The following ANKRD11 variants were observed in gnomAD, a reference collection of about 807,000 sequenced individuals.
ANKRD11 encodes the protein ankyrin repeat domain-containing protein 11.
ANKRD11 carries 17 observed loss-of-function variants against 195.7 expected under a neutral mutation model. That is an observed-to-expected ratio of 0.09 (90% CI 0.06 to 0.13). ANKRD11 has a LOEUF of 0.13. ANKRD11 is among the 10% of genes least tolerant of loss of function. The pLI is 1.00. For missense variants in ANKRD11, 3,735 were observed against 3,566.1 expected, an observed-to-expected ratio of 1.05 and a Z score of -1.21; for synonymous variants, 1,953 against 1,528.1, an observed-to-expected ratio of 1.28 and a Z score of -6.49.
chr16:89,329,950 A>T (rs776083427), intron 2 of ANKRD11, among the ~76,000 whole-genome samples: 23 of 151,824 alleles, frequency 1.5e-4, no homozygotes, highest in South Asian at 6.2e-4. Context: ...AGATCACACC[A>T]CTGCACTCCA....
At chr16:89,461,082 A>G (rs1171491237) in intron 1 of ANKRD11, among the ~76,000 whole-genome samples, 1 of 145,554 alleles carries the variant, frequency 6.9e-6, no homozygotes, top group African/African-American at 2.6e-5. Context: ...GGTGACATTC[A>G]TAAGAGAAGA....
intron 1 of ANKRD11, among the ~76,000 whole-genome samples, chr16:89,464,571 G>A (rs1286209294): frequency 7.0e-6 from 1 of 142,212 alleles, no homozygotes; most frequent in Admixed American, 7.5e-5. Context: ...TCGCAACACT[G>A]CACTCCAGCC....
chr16:89,280,982 C>T lies in ANKRD11; in HGVS notation c.5560G>A (p.Asp1854Asn), dbSNP rs765630805. The T allele has an allele frequency of 1.3e-6, 2 of 1,574,668 alleles. No individual in the cohort carries two copies. The highest frequency in any genetic ancestry group is 1.7e-6 in the Non-Finnish European group (2 of 1,157,994). ...ACLSPGYYSP[D>N]YGLPSPKVDA... Reference sequence around the variant, plus strand: ...ACTTTGGGCGACGGGAGGCCATAGTCTGGGGAGTAGTACCCTGGCGACAAG... The same window carrying T: ...ACTTTGGGCGACGGGAGGCCATAGTTTGGGGAGTAGTACCCTGGCGACAAG... Residue 1854 changes from aspartate (D) to asparagine (N), a missense_variant, in exon 9 of 13, where the codon GAC becomes AAC. Transcript: ENST00000301030.
intron 1 of ANKRD11, among the ~76,000 whole-genome samples, chr16:89,474,648 A>G (rs1242542357): frequency 6.6e-6 from 1 of 152,048 alleles, no homozygotes; most frequent in Non-Finnish European, 1.5e-5. Flanking sequence ...CATGATGCCA[A>G]CCCCACTGAG....
At chr16:89,269,216 T>G (rs1007408703) in intron 12 of ANKRD11, among the ~76,000 whole-genome samples, 3 of 152,010 alleles carry the variant, frequency 2.0e-5, no homozygotes, top group South Asian at 2.1e-4. Flanking sequence ...AGTGCAGTGG[T>G]GCAATCATGA....
intron 1 of ANKRD11, among the ~76,000 whole-genome samples, chr16:89,457,577 C>G (rs950228475): frequency 1.5e-5 from 2 of 130,482 alleles, no homozygotes; most frequent in Non-Finnish European, 3.3e-5. Context: ...CAGCAAGGCT[C>G]CGTCTCAAGA....
chr16:89,361,221 G>A lies in ANKRD11; in HGVS notation c.-59-44143C>T, dbSNP rs989102565. Among the ~76,000 whole-genome samples the A allele has an allele frequency of 9.2e-5, 14 of 152,328 alleles. 1 individual carries two copies. The highest frequency in any genetic ancestry group is 3.1e-4 in the African/African-American group (13 of 41,572). On this transcript the variant is annotated intron_variant, in intron 2 of 12. Transcript: ENST00000301030. ...GCGCACCCCTTAGGAAACCCCAGCA[G>A]CACATCCCCCTTCTTCCTCCCGCAG...
chr16:89,322,617 C>A (rs2037397731), intron 2 of ANKRD11, among the ~76,000 whole-genome samples: 3 of 152,002 alleles, frequency 2.0e-5, no homozygotes, highest in Admixed American at 6.5e-5. Context: ...AAGACAGGAA[C>A]ACACTCATGA....
chr16:89,334,220 G>A (rs1328536453), intron 2 of ANKRD11, among the ~76,000 whole-genome samples: 2 of 150,650 alleles, frequency 1.3e-5, no homozygotes, highest in African/African-American at 4.9e-5. Flanking sequence ...CAAGCTGCGG[G>A]CTCAGGACAA....
At chr16:89,439,892 C>T (rs913076654) in intron 1 of ANKRD11, among the ~76,000 whole-genome samples, 18 of 152,198 alleles carry the variant, frequency 1.2e-4, no homozygotes, top group East Asian at 3.8e-4. Context: ...GACTGATGGG[C>T]GGCCTCCGGA....
rs147726863 is a variant in ANKRD11 at position 89,280,881 on chromosome 16, T to C, written c.5661A>G (p.Gln1887=). The change falls in exon 9 of 13, where the codon CAA becomes CAG. Residue 1887 remains glutamine (Q), a synonymous_variant. Coordinates refer to ENST00000301030, the MANE Select transcript of ANKRD11 (RefSeq NM_013275.6). The stretch of plus-strand genomic sequence containing the variant: ...CTCTGGGGGAAGGGGAAGGTTTTGC[T>C]TGTAAACTTGAGAAGACGCCCTCTG... The part of the protein sequence containing the change: ...PSPEGVFSSL[Q]AKPSPSPRAE... 2,878 of 1,604,154 alleles carry C rather than the reference T, an allele frequency of 1.8e-3. 8 individuals are homozygous for C. The highest frequency in any genetic ancestry group is 2.2e-3 in the Non-Finnish European group (2,594 of 1,172,782).
intron 1 of ANKRD11, among the ~76,000 whole-genome samples, chr16:89,470,806 G>A (rs906683464): frequency 1.3e-5 from 2 of 151,916 alleles, no homozygotes; most frequent in African/African-American, 2.4e-5. Context: ...TGGCTAACAC[G>A]GTGAAACCCC....
Position 89,289,234 on chromosome 16 carries a change from C to G in ANKRD11, c.602-564G>C, listed in dbSNP as rs149830259. 2.9e-3 allele frequency among the ~76,000 whole-genome samples: 446 copies of G among 152,182 alleles called. 1 individual carries two copies. Among genetic ancestry groups the G allele is most frequent in the African/African-American group, 0.011 (436 of 41,512 alleles). ...GCATCCGTGGAAACAGAGCTCGGCC[C>G]CACGGAAGCACACGGCACTGCTCTA... On this transcript the variant is annotated intron_variant, in intron 6 of 12. Transcript: ENST00000301030.
At chr16:89,307,984 T>C (rs2036392430) in intron 3 of ANKRD11, among the ~76,000 whole-genome samples, 1 of 151,548 alleles carries the variant, frequency 6.6e-6, no homozygotes, top group Non-Finnish European at 1.5e-5. Flanking sequence ...CAGAACCTGA[T>C]GAGGGGAAGG....
At chr16:89,320,595 G>C (rs1246315645) in intron 2 of ANKRD11, among the ~76,000 whole-genome samples, 1 of 152,182 alleles carries the variant, frequency 6.6e-6, no homozygotes, top group Non-Finnish European at 1.5e-5. Context: ...TTCGTGGACT[G>C]TCAGGGTCAC....
intron 1 of ANKRD11, among the ~76,000 whole-genome samples, chr16:89,464,266 G>C (rs766725340): frequency 5.3e-5 from 8 of 150,892 alleles, no homozygotes; most frequent in Admixed American, 1.3e-4. Context: ...CACAATGGTG[G>C]AATCTAACCC....
intron 1 of ANKRD11, among the ~76,000 whole-genome samples, chr16:89,438,861 T>C (rs2043327114): frequency 6.6e-6 from 1 of 151,884 alleles, no homozygotes; most frequent in South Asian, 2.1e-4. Context: ...TAAAATAAAC[T>C]AGCCAGGTGT....
At chr16:89,294,256 C>T (rs2035267752) in intron 4 of ANKRD11, among the ~76,000 whole-genome samples, 1 of 152,176 alleles carries the variant, frequency 6.6e-6, no homozygotes, top group African/African-American at 2.4e-5. Flanking sequence ...TGCCAACCTC[C>T]TGGTGAATTC....
chr16:89,409,682 G>A (rs755030040), intron 2 of ANKRD11, among the ~76,000 whole-genome samples: 2 of 152,146 alleles, frequency 1.3e-5, no homozygotes, highest in Admixed American at 6.6e-5. Flanking sequence ...ACTGGTTGTC[G>A]TGTTACTAAA....
Sources: gnomAD v4.1 joint callset for allele counts (sites outside exome capture counted in the v4.1 genomes callset) on GRCh38, gnomAD v4.1.1 for gene constraint, MANE v1.5 for transcripts, NCBI Gene and HGNC (gene_info 2026-07-23, HGNC 2026-07-21) for gene names.